SLC23A2: variants seen among roughly 807,000 people sequenced by gnomAD.
SLC23A2 encodes the protein Na(+)/L-ascorbic acid transporter 2.
Under a neutral mutation model 73.3 loss-of-function variants are expected in SLC23A2, and 36 were observed. That is an observed-to-expected ratio of 0.49 (90% confidence interval 0.38 to 0.65). The LOEUF (loss-of-function observed/expected upper bound fraction) is 0.65. Ranked by LOEUF, SLC23A2 falls within the 30% of genes least tolerant of loss-of-function variation. The probability of loss-of-function intolerance (pLI) is 0.00; values close to 1 mark genes in which losing one functional copy is unlikely to be tolerated. For synonymous variants in SLC23A2, 343 were observed against 327.3 expected, an observed-to-expected ratio of 1.05 and a Z score of -0.52; for missense variants, 507 against 841.6, an observed-to-expected ratio of 0.60 and a Z score of 4.92.
At chr20:4,966,946 G>A (rs565476266) in intron 2 of SLC23A2, among the ~76,000 whole-genome samples, 50 of 151,980 alleles carry the variant, frequency 3.3e-4, no homozygotes, top group African/African-American at 1.1e-3. Flanking sequence ...TGGGGAGCAG[G>A]TGCCATAACC....
chr20:4,973,947 A>C (rs2087604217), intron 1 of SLC23A2, among the ~76,000 whole-genome samples: 1 of 152,186 alleles, frequency 6.6e-6, no homozygotes, highest in South Asian at 2.1e-4. Flanking sequence ...TCAACAAAAA[A>C]CTGGGGAAGA....
intron 13 of SLC23A2, among the ~76,000 whole-genome samples, chr20:4,866,493 C>T (rs1460202998): frequency 6.6e-6 from 1 of 152,232 alleles, no homozygotes; most frequent in Non-Finnish European, 1.5e-5. Flanking sequence ...TGGCTTCTCA[C>T]CATGGGTAGC....
chr20:4,905,661 G>A (rs373812020), intron 4 of SLC23A2, among the ~76,000 whole-genome samples: 23 of 152,210 alleles, frequency 1.5e-4, no homozygotes, highest in African/African-American at 5.1e-4. Context: ...TCTCCTCTGC[G>A]GTTATTTATC....
Position 4,863,408 on chromosome 20 carries a change from C to T in SLC23A2, c.1357-501G>A, listed in dbSNP as rs920375227. ...TGGAGCCTGACTGCGGGCTCTTCTC[C>T]TGGCCCACGTCTGACTGTATGGTCG... On this transcript the variant is annotated intron_variant, in intron 13 of 16. Coordinates refer to ENST00000338244, the MANE Select transcript of SLC23A2 (RefSeq NM_005116.6). The surrounding 1 kb of genome is among the most constrained non-coding windows in gnomAD (Gnocchi z 4.8). Among the ~76,000 whole-genome samples the T allele has an allele frequency of 1.3e-5, 2 of 152,232 alleles. No homozygotes were observed. Among genetic ancestry groups the T allele is most frequent in the Admixed American group, 6.5e-5 (1 of 15,292 alleles).
intron 9 of SLC23A2, among the ~76,000 whole-genome samples, chr20:4,876,957 TCAGA>T (rs1295954245): frequency 1.6e-4 from 24 of 151,412 alleles, no homozygotes; most frequent in African/African-American, 4.9e-4. Context: ...TTCCGCCTCA[TCAGA>T]CAGAGATTTG....
At position 4,897,135 on chromosome 20, in the gene SLC23A2, T is replaced by C. The variant is rs1427455167; in HGVS notation, c.482+2420A>G. 2.6e-5 allele frequency among the ~76,000 whole-genome samples: 4 copies of C among 152,312 alleles called. 1 individual carries two copies. Among genetic ancestry groups the C allele is most frequent in the African/African-American group, 9.6e-5 (4 of 41,574 alleles). ...ATGGCCAGGCCCCGCACCTGCCACA[T>C]AGACCAGTCACTGAATATCTGCAGG... is the stretch of plus-strand genomic sequence containing the variant. On this transcript the variant is annotated intron_variant, in intron 6 of 16. Coordinates refer to ENST00000338244, the MANE Select transcript of SLC23A2 (RefSeq NM_005116.6).
At chr20:4,907,800 G>A (rs1932009789) in intron 4 of SLC23A2, among the ~76,000 whole-genome samples, 1 of 151,980 alleles carries the variant, frequency 6.6e-6, no homozygotes, top group Non-Finnish European at 1.5e-5. Flanking sequence ...GGATACTACA[G>A]TATTCAATGG....
At chr20:4,894,058 A>C (rs1450197114) in intron 6 of SLC23A2, among the ~76,000 whole-genome samples, 1 of 152,174 alleles carries the variant, frequency 6.6e-6, no homozygotes, top group African/African-American at 2.4e-5. Context: ...CCCTGACCTG[A>C]TTTCTCTGGA....
intron 3 of SLC23A2, among the ~76,000 whole-genome samples, chr20:4,913,209 G>A (rs1210126685): frequency 1.1e-4 from 17 of 152,218 alleles, no homozygotes; most frequent in Admixed American, 1.1e-3. Flanking sequence ...TTCAGGGGAA[G>A]GGAAGTTTGG....
At position 4,983,621 on chromosome 20, in the gene SLC23A2, G is replaced by C. The variant is rs190614553; in HGVS notation, c.-281-12702C>G. ...AGACCGCGCCACTGCACTCCAGCCT[G>C]GGTGACAAAGCAAGACTCCGTCTTT... On this transcript the variant is annotated intron_variant, in intron 1 of 16. Transcript: ENST00000338244. 6.1e-3 allele frequency among the ~76,000 whole-genome samples: 888 copies of C among 145,588 alleles called. 6 individuals carry two copies. Among genetic ancestry groups the C allele is most frequent in the African/African-American group, 0.021 (808 of 39,252 alleles).
intron 1 of SLC23A2, among the ~76,000 whole-genome samples, chr20:4,987,549 C>A (rs2087850097): frequency 6.6e-6 from 1 of 152,016 alleles, no homozygotes; most frequent in African/African-American, 2.4e-5. Flanking sequence ...GCTTTGTTCG[C>A]TAAAAAAAAC....
chr20:4,983,646 TAAA>T (rs35983102), intron 1 of SLC23A2, among the ~76,000 whole-genome samples: 46 of 86,160 alleles, frequency 5.3e-4, no homozygotes, highest in Admixed American at 9.1e-4. Flanking sequence ...ACTCCGTCTT[TAAA>T]AAAAAAAAAA....
intron 11 of SLC23A2, among the ~76,000 whole-genome samples, chr20:4,873,429 T>C (rs1930528550): frequency 6.6e-6 from 1 of 152,204 alleles, no homozygotes; most frequent in African/African-American, 2.4e-5. Flanking sequence ...CAAATTAAGA[T>C]GCAGCTTTTG....
Position 4,857,856 on chromosome 20 carries a change from G to A in SLC23A2, c.1721-652C>T, listed in dbSNP as rs949832405. Among the ~76,000 whole-genome samples, 9 of 152,100 alleles carry A rather than the reference G, an allele frequency of 5.9e-5. No homozygotes were observed. Among genetic ancestry groups the A allele is most frequent in the African/African-American group, 1.4e-4 (6 of 41,412 alleles). On this transcript the variant is annotated intron_variant, in intron 16 of 16. Coordinates refer to ENST00000338244, the MANE Select transcript of SLC23A2 (RefSeq NM_005116.6). This position sits in a 1 kb window ranked among gnomAD's most constrained non-coding sequence, Gnocchi z 4.0. ...TGAGACAGGAGAATTGCTTGAACCC[G>A]AGAGGCAGAGACTGCAGTGAGCTGA...
At chr20:4,922,843 G>GCACACACA (rs11474556) in intron 3 of SLC23A2, among the ~76,000 whole-genome samples, 3 of 145,748 alleles carry the variant, frequency 2.1e-5, no homozygotes, top group Admixed American at 6.9e-5. Flanking sequence ...AAAAAAAAAA[G>GCACACACA]CACACACACA....
At chr20:4,967,010 C>A (rs2087486905) in intron 2 of SLC23A2, among the ~76,000 whole-genome samples, 1 of 152,030 alleles carries the variant, frequency 6.6e-6, no homozygotes, top group Non-Finnish European at 1.5e-5. Flanking sequence ...ATAAAAGAGA[C>A]CAAAGCAGAA....
chr20:4,909,816 C>G (rs547318388), intron 4 of SLC23A2, among the ~76,000 whole-genome samples: 2 of 152,068 alleles, frequency 1.3e-5, no homozygotes, highest in Non-Finnish European at 2.9e-5. Flanking sequence ...CTTGGCCTCC[C>G]AAAGTGCTGG....
At position 4,902,511 on chromosome 20, in the gene SLC23A2, C is replaced by T; in HGVS notation, c.255G>A (p.Gln85=). The T allele has an allele frequency of 6.2e-7, 1 of 1,613,368 alleles. No individual in the cohort carries two copies. The highest frequency in any genetic ancestry group is 8.5e-7 in the Non-Finnish European group (1 of 1,179,584). The change falls in exon 5 of 17, where the codon CAG becomes CAA. Residue 85 remains glutamine (Q), a synonymous_variant. Coordinates refer to ENST00000338244, the MANE Select transcript of SLC23A2 (RefSeq NM_005116.6). This position sits in a 1 kb window ranked among gnomAD's most constrained non-coding sequence, Gnocchi z 4.0. ...CTATGGTATAAATCATGTCTGATCG[C>T]TGGGGGTCCAGACTGCCAGTGCTAT... ...TLDSTGSLDP[Q]RSDMIYTIED...
At chr20:4,934,775 AT>A (rs563145722) in intron 2 of SLC23A2, among the ~76,000 whole-genome samples, 229 of 151,988 alleles carry the variant, frequency 1.5e-3, no homozygotes, top group African/African-American at 5.3e-3. Flanking sequence ...AGGCAGGAGG[AT>A]CACTCGAACC....
Sources: gnomAD v4.1 joint callset for allele counts (sites outside exome capture counted in the v4.1 genomes callset) on GRCh38, gnomAD v4.1.1 for gene constraint, Gnocchi (gnomAD v3.1) non-coding constraint, MANE v1.5 for transcripts, NCBI Gene and HGNC (gene_info 2026-07-23, HGNC 2026-07-21) for gene names.